CSN1S1: variants seen among roughly 807,000 people sequenced by gnomAD.
CSN1S1 encodes the protein casein alpha s1, also known as alpha-S1-casein.
A neutral mutation model predicts 49.1 loss-of-function variants in CSN1S1; 63 were observed. That is an observed-to-expected ratio of 1.28 (90% confidence interval 1.05 to 1.58). The LOEUF is 1.58. Ranked by LOEUF, CSN1S1 falls within the 40% of genes most tolerant of loss-of-function variation. The pLI, the probability that CSN1S1 is intolerant of heterozygous loss-of-function variation, is 0.00. For synonymous variants in CSN1S1, 78 were observed against 67.1 expected, an observed-to-expected ratio of 1.16 and a Z score of -0.79; for missense variants, 260 against 224.7, an observed-to-expected ratio of 1.16 and a Z score of -1.01.
intron 12 of CSN1S1, among the ~76,000 whole-genome samples, chr4:69,941,798 A>G (rs552604491): frequency 6.6e-5 from 10 of 152,008 alleles, no homozygotes; most frequent in African/African-American, 2.4e-4. Flanking sequence ...CCCCAATAGA[A>G]TTCATCATTA....
Position 69,936,450 on chromosome 4 carries a change from C to A in CSN1S1, c.130-6C>A. 6.5e-7 allele frequency: 1 copy of A among 1,538,824 alleles called. No individual in the cohort carries two copies. The highest frequency in any genetic ancestry group is 1.1e-5 in the South Asian group (1 of 87,494). ...TATTGTTTATGTTTTCTTTTTTATCCCTAAGGAATACATGAATGGTATGAA... is the reference window on the plus strand; with the variant it reads ...TATTGTTTATGTTTTCTTTTTTATCACTAAGGAATACATGAATGGTATGAA... On this transcript the variant is annotated splice_region_variant and splice_polypyrimidine_tract_variant and intron_variant, in intron 5 of 15. Transcript: ENST00000246891.
intron 4 of CSN1S1, 125 bp downstream of exon 4, chr4:69,934,835 C>G (rs1722720945): frequency 1.3e-6 from 1 of 799,606 alleles, no homozygotes; most frequent in Non-Finnish European, 2.1e-6. Flanking sequence ...TCCAACAACT[C>G]AAGTACCTGG....
chr4:69,937,607 G>A (rs1179063159), intron 8 of CSN1S1, among the ~76,000 whole-genome samples, 193 bp from the exon 9 acceptor site: 1 of 151,582 alleles, frequency 6.6e-6, no homozygotes, highest in Non-Finnish European at 1.5e-5. Context: ...AATCCGAAAC[G>A]TTTTATTTAA....
chr4:69,931,986 T>G (rs938620054), intron 1 of CSN1S1, among the ~76,000 whole-genome samples: 1 of 151,924 alleles, frequency 6.6e-6, no homozygotes, highest in East Asian at 1.9e-4. Context: ...GATTCTTTAT[T>G]TAAAAATTGA....
intron 8 of CSN1S1, 117 bp from the exon 9 acceptor site, chr4:69,937,683 C>G: frequency 2.5e-6 from 2 of 797,792 alleles, no homozygotes; most frequent in East Asian, 6.0e-5. Context: ...TTTCTTATTA[C>G]TTTTATATTG....
At chr4:69,939,921 C>A in intron 10 of CSN1S1, 100 bp from the exon 11 acceptor site, 1 of 691,354 alleles carries the variant, frequency 1.4e-6, no homozygotes. Flanking sequence ...AATCAATTCA[C>A]TGCAATTATT....
chr4:69,940,190 A>C (rs1423620338), intron 11 of CSN1S1, 146 bp downstream of exon 11: 2 of 402,450 alleles, frequency 5.0e-6, no homozygotes, highest in South Asian at 1.9e-4. Context: ...GAAAGGTGGC[A>C]TTAAAGTTTT....
At chr4:69,940,745 A>C (rs1016229710) in intron 11 of CSN1S1, among the ~76,000 whole-genome samples, 5 of 151,860 alleles carry the variant, frequency 3.3e-5, no homozygotes, top group Non-Finnish European at 7.4e-5. Context: ...CTTTCTTAAT[A>C]ATTCTGATAT....
intron 14 of CSN1S1, among the ~76,000 whole-genome samples, chr4:69,943,290 G>T (rs1723038255): frequency 6.6e-6 from 1 of 151,484 alleles, no homozygotes; most frequent in South Asian, 2.1e-4. Context: ...TTCTAGTGAT[G>T]CTCATACCTT....
At chr4:69,931,387 A>G (rs1722602113) in intron 1 of CSN1S1, among the ~76,000 whole-genome samples, 2 of 151,992 alleles carry the variant, frequency 1.3e-5, no homozygotes, top group African/African-American at 4.8e-5. Context: ...ACATAATTTC[A>G]GTAGAGGCTT....
At chr4:69,940,965 G>T in intron 11 of CSN1S1, 54 bp from the exon 12 acceptor site, 1 of 865,374 alleles carries the variant, frequency 1.2e-6, no homozygotes, top group South Asian at 1.7e-5. Context: ...TGAAAATGAT[G>T]GGGTTGGACT....
At chr4:69,932,794 A>G (rs577588727) in intron 2 of CSN1S1, among the ~76,000 whole-genome samples, 188 bp downstream of exon 2, 181 of 152,148 alleles carry the variant, frequency 1.2e-3, no homozygotes, top group African/African-American at 3.9e-3. Context: ...GTCCACTGAG[A>G]GCCTTAACTC....
intron 1 of CSN1S1, among the ~76,000 whole-genome samples, chr4:69,931,606 GATT>G (rs770038798): frequency 5.9e-4 from 90 of 151,964 alleles, no homozygotes; most frequent in Non-Finnish European, 8.8e-4. Context: ...ACTTTGTAAT[GATT>G]ATTAAATTTA....
chr4:69,944,449 T>C (rs1175584145), intron 14 of CSN1S1, among the ~76,000 whole-genome samples: 1 of 151,988 alleles, frequency 6.6e-6, no homozygotes, highest in Non-Finnish European at 1.5e-5. Flanking sequence ...GGCCTGTACT[T>C]TGACCCCAGT....
chr4:69,942,489 T>C (rs1723007672), intron 13 of CSN1S1, 47 bp from the exon 14 acceptor site: 8 of 1,411,978 alleles, frequency 5.7e-6, no homozygotes, highest in Non-Finnish European at 6.9e-6. Flanking sequence ...AAATGTGTTG[T>C]ACCAGAAGAT....
rs376616166 is a variant in CSN1S1 at position 69,937,817 on chromosome 4, G to A, written c.237G>A (p.Glu79=). The change falls in exon 9 of 16, where the codon GAG becomes GAA. Residue 79 remains glutamate (E), a synonymous_variant. Transcript: ENST00000246891. ...NESTQNCVVA[E]PEKMESSISS... ...TTCTTAAGAACTGTGTTGTGGCAGA[G>A]CCTGAGGTAAGACCCATTCATTCTA... 6.3e-6 allele frequency: 10 copies of A among 1,596,562 alleles called. No individual in the cohort carries two copies. The highest frequency in any genetic ancestry group is 8.5e-6 in the Non-Finnish European group (10 of 1,173,280).
Position 69,936,917 on chromosome 4 carries a change from A to G in CSN1S1, c.196-204A>G, listed in dbSNP as rs115271694. Among the ~76,000 whole-genome samples the G allele has an allele frequency of 3.0e-4, 46 of 152,100 alleles. 1 individual carries two copies. The highest frequency in any genetic ancestry group is 1.1e-3 in the African/African-American group (44 of 41,562). On this transcript the variant is annotated intron_variant, in intron 7 of 15. Coordinates refer to ENST00000246891, the MANE Select transcript of CSN1S1 (RefSeq NM_001890.2). ...AAAGGAATGCTTTATCAAGGGTATT[A>G]TATGAAGTAATACAATATCTGGCTC...
At chr4:69,936,654 G>A (rs761739161) in intron 7 of CSN1S1, 47 bp downstream of exon 7, 24 of 1,519,458 alleles carry the variant, frequency 1.6e-5, no homozygotes, top group Admixed American at 2.3e-5. Context: ...ATATATTCTT[G>A]TAGTAGAAAA....
intron 10 of CSN1S1, 113 bp from the exon 11 acceptor site, chr4:69,939,908 T>TA (rs1722919400): frequency 1.6e-6 from 1 of 643,942 alleles, no homozygotes; most frequent in African/African-American, 1.9e-5. Flanking sequence ...AATTTATCAC[T>TA]AAAATCAATT....
Sources: allele counts gnomAD v4.1 joint callset (sites outside exome capture counted in the v4.1 genomes callset), GRCh38; gene constraint gnomAD v4.1.1; transcripts MANE v1.5; gene names NCBI Gene and HGNC (gene_info 2026-07-23, HGNC 2026-07-21).